The following SLC8A1 variants were observed in gnomAD, a reference collection of about 807,000 sequenced individuals.
The protein encoded by SLC8A1 is sodium/calcium exchanger 1.
SLC8A1 carries 18 observed loss-of-function variants against 68.3 expected under a neutral mutation model. The ratio of observed to expected loss-of-function variants is 0.26; its 90% CI spans 0.18 to 0.39. SLC8A1 has a LOEUF of 0.39. Among genes scored for constraint, SLC8A1 ranks in the 10% least tolerant of loss-of-function variants. SLC8A1 has a pLI of 1.00. For missense variants in SLC8A1, 985 were observed against 1,156.7 expected (o/e 0.85, Z 2.15); for synonymous variants, 475 against 415.5 (o/e 1.14, Z -1.74).
intron 3 of SLC8A1, among the ~76,000 whole-genome samples, chr2:40,175,640 A>G (rs2048344053): frequency 6.6e-6 from 1 of 152,118 alleles, no homozygotes; most frequent in Non-Finnish European, 1.5e-5. Context: ...ATTGTATGAA[A>G]TTCATTCTTA....
chr2:40,305,160 C>A (rs571094078), intron 2 of SLC8A1, among the ~76,000 whole-genome samples: 1 of 152,300 alleles, frequency 6.6e-6, no homozygotes, highest in East Asian at 1.9e-4. Flanking sequence ...TGCTGGCCTG[C>A]AATTTCCACA....
chr2:40,148,602 G>A (rs557029129), intron 6 of SLC8A1, among the ~76,000 whole-genome samples: 2 of 152,152 alleles, frequency 1.3e-5, no homozygotes, highest in East Asian at 1.9e-4. Context: ...ATTTTTTAAC[G>A]AGATCTCAGT....
chr2:40,297,349 TTC>T (rs2070585996), intron 2 of SLC8A1, among the ~76,000 whole-genome samples: 1 of 152,160 alleles, frequency 6.6e-6, no homozygotes, highest in Non-Finnish European at 1.5e-5. Context: ...CTGGACACAT[TTC>T]ATAGTCTCCA....
intron 7 of SLC8A1, among the ~76,000 whole-genome samples, chr2:40,135,475 AG>A (rs1182841336): frequency 1.3e-5 from 2 of 151,678 alleles, no homozygotes; most frequent in Non-Finnish European, 2.9e-5. Flanking sequence ...TGGGGGCGGC[AG>A]GGGAGGGGTG....
chr2:40,277,748 C>T (rs1297728694), intron 2 of SLC8A1, among the ~76,000 whole-genome samples: 1 of 133,776 alleles, frequency 7.5e-6, no homozygotes, highest in Non-Finnish European at 1.6e-5. Flanking sequence ...GGAACAAAAG[C>T]AATATACGTA....
intron 2 of SLC8A1, among the ~76,000 whole-genome samples, chr2:40,355,436 G>T (rs749765051): frequency 2.6e-5 from 4 of 152,110 alleles, no homozygotes; most frequent in Non-Finnish European, 5.9e-5. Context: ...TCAGCCAGTG[G>T]CTTTCTTGGT....
intron 2 of SLC8A1, among the ~76,000 whole-genome samples, chr2:40,253,778 G>A (rs1217711674): frequency 6.9e-5 from 9 of 130,870 alleles, no homozygotes; most frequent in Admixed American, 6.8e-4. Flanking sequence ...AGTGAGCCGA[G>A]ATCATGCCAT....
chr2:40,098,575 A>C (rs1354304641), exon 8 of SLC8A1: 1 of 152,004 alleles, frequency 6.6e-6, no homozygotes, highest in East Asian at 1.9e-4. Context: ...TCTGTCATTA[A>C]TGTTGGTGCC....
At chr2:40,294,999 A>G (rs1282360479) in intron 2 of SLC8A1, among the ~76,000 whole-genome samples, 2 of 152,206 alleles carry the variant, frequency 1.3e-5, no homozygotes, top group Admixed American at 6.5e-5. Flanking sequence ...TTACCCAAAT[A>G]TCTTTAGACA....
intron 2 of SLC8A1, among the ~76,000 whole-genome samples, chr2:40,313,944 C>T (rs1178620991): frequency 6.6e-6 from 1 of 151,856 alleles, no homozygotes; most frequent in African/African-American, 2.4e-5. Context: ...GTTAGATATA[C>T]TATTTGCCAG....
intron 1 of SLC8A1, among the ~76,000 whole-genome samples, chr2:40,445,405 C>G (rs951486170): frequency 2.0e-5 from 3 of 151,738 alleles, no homozygotes; most frequent in African/African-American, 7.3e-5. Flanking sequence ...TTCCTGAGGC[C>G]CAGAAAACAC....
rs1371608192 is a variant in SLC8A1, at chr2:40,227,423, C to T, written c.1809-49568G>A. Among the ~76,000 whole-genome samples the T allele has an allele frequency of 5.3e-5, 8 of 151,976 alleles. No homozygotes were observed. In the South Asian group the frequency reaches 8.3e-4, roughly 16 times the overall value. ...AATAACCACATCCTTTGCAGGGACA[C>T]GGGATAGCTGGAGGCCATTATCCTT... On this transcript the variant is annotated intron_variant, in intron 2 of 7. Coordinates refer to ENST00000406785, the Ensembl canonical transcript of SLC8A1.
intron 1 of SLC8A1, among the ~76,000 whole-genome samples, chr2:40,481,512 T>G (rs1704626146): frequency 6.6e-6 from 1 of 152,170 alleles, no homozygotes; most frequent in South Asian, 2.1e-4. Context: ...GCAACCAGAT[T>G]TTTTAGCTTC....
intron 2 of SLC8A1, among the ~76,000 whole-genome samples, chr2:40,200,247 T>TC (rs1472405975): frequency 5.6e-5 from 1 of 18,006 alleles, no homozygotes; most frequent in Admixed American, 5.2e-4. Context: ...TAAATATATA[T>TC]ATATATATAT....
intron 1 of SLC8A1, among the ~76,000 whole-genome samples, chr2:40,498,961 T>C (rs1030502405): frequency 1.3e-5 from 2 of 151,848 alleles, no homozygotes; most frequent in African/African-American, 4.8e-5. Flanking sequence ...AATAATAAAA[T>C]AGAAATAAGA....
At chr2:40,294,797 G>C (rs2070026292) in intron 2 of SLC8A1, among the ~76,000 whole-genome samples, 1 of 152,006 alleles carries the variant, frequency 6.6e-6, no homozygotes, top group Non-Finnish European at 1.5e-5. Flanking sequence ...TAACTAAAAA[G>C]GTATAGCGCT....
At chr2:40,319,252 C>T (rs1192340231) in intron 2 of SLC8A1, among the ~76,000 whole-genome samples, 1 of 152,070 alleles carries the variant, frequency 6.6e-6, no homozygotes, top group Non-Finnish European at 1.5e-5. Context: ...GTTCGTGAAG[C>T]TTCCAGCAGG....
chr2:40,228,089 T>C (rs1207992546), intron 2 of SLC8A1, among the ~76,000 whole-genome samples: 1 of 152,194 alleles, frequency 6.6e-6, no homozygotes, highest in Admixed American at 6.5e-5. Flanking sequence ...AAAAAACCAT[T>C]TGTCTTGAGG....
chr2:40,451,083 G>A lies in SLC8A1; in HGVS notation c.-25+821C>T, dbSNP rs189569886. On this transcript the variant is annotated intron_variant, in intron 1 of 7. Transcript: ENST00000406785. ...CTGGGCGGATTTGGTTTCTTTGGCCGGCTGTCCAGCTATAAGACCGCCCTC... is the reference window on the plus strand; with the variant it reads ...CTGGGCGGATTTGGTTTCTTTGGCCAGCTGTCCAGCTATAAGACCGCCCTC... Among the ~76,000 whole-genome samples the A allele has an allele frequency of 4.6e-5, 7 of 152,294 alleles. No homozygotes were observed. In the East Asian group the frequency reaches 1.4e-3, roughly 29 times the overall value.
Sources: allele counts gnomAD v4.1 joint callset (sites outside exome capture counted in the v4.1 genomes callset), GRCh38; gene constraint gnomAD v4.1.1; transcripts MANE v1.5; gene names NCBI Gene and HGNC (gene_info 2026-07-23, HGNC 2026-07-21).